The following NAAA variants were observed in gnomAD, a reference collection of about 807,000 sequenced individuals.
The protein encoded by NAAA is N-acylethanolamine acid amidase.
NAAA carries 39 observed loss-of-function variants against 44.8 expected under a neutral mutation model. The observed-to-expected ratio is 0.87, with a 90% CI of 0.67 to 1.14. The LOEUF (loss-of-function observed/expected upper bound fraction) is 1.14. Among genes scored for constraint, NAAA ranks in the 50% most tolerant of loss-of-function variants. The pLI is 0.00. For missense variants in NAAA, 460 were observed against 467.8 expected (o/e 0.98, Z 0.15); for synonymous variants, 178 against 191.3 (o/e 0.93, Z 0.58).
chr4:75,933,530 A>G (rs760687828), intron 3 of NAAA, among the ~76,000 whole-genome samples: 1 of 152,080 alleles, frequency 6.6e-6, no homozygotes, highest in African/African-American at 2.4e-5. Flanking sequence ...CGTCAGGGTC[A>G]CTCTTGGAGG....
At chr4:75,923,398 A>G (rs771970698) in intron 5 of NAAA, among the ~76,000 whole-genome samples, 13 of 152,186 alleles carry the variant, frequency 8.5e-5, no homozygotes, top group Non-Finnish European at 1.8e-4. Context: ...TTTTCTAACA[A>G]AGAGCAGCCT....
intron 3 of NAAA, 145 bp from the exon 4 acceptor site, chr4:75,931,449 G>C: frequency 1.8e-6 from 1 of 561,358 alleles, no homozygotes; most frequent in South Asian, 2.7e-5. Context: ...TTCTAAGACA[G>C]AGGTTCTTAA....
intron 4 of NAAA, 79 bp downstream of exon 4, chr4:75,931,135 G>T: frequency 1.7e-6 from 2 of 1,152,256 alleles, no homozygotes; most frequent in Non-Finnish European, 2.6e-6. Flanking sequence ...TGTATATTCT[G>T]TTGGGTGAGT....
intron 2 of NAAA, among the ~76,000 whole-genome samples, chr4:75,937,413 C>A (rs767953512): frequency 1.3e-5 from 2 of 152,098 alleles, no homozygotes; most frequent in Admixed American, 6.6e-5. Context: ...AGTGAGACTC[C>A]GTCTCAAACA....
chr4:75,936,359 G>C (rs1027428331), intron 2 of NAAA, 124 bp from the exon 3 acceptor site: 1 of 1,012,820 alleles, frequency 9.9e-7, no homozygotes, highest in Non-Finnish European at 1.4e-6. Flanking sequence ...ACTGATATAT[G>C]TGCTATAATG....
chr4:75,937,486 G>GTTAT lies in NAAA; in HGVS notation c.372-1255_372-1252dup, dbSNP rs140810688. ...AGTTTTAATTCCCTCCAAGGTTTCTGTTATTTATTTATTTATTTATTTATT... is the reference window on the plus strand; with the variant it reads ...AGTTTTAATTCCCTCCAAGGTTTCTGTTATTTATTTATTTATTTATTTATTTATT... On this transcript the variant is annotated intron_variant, in intron 2 of 10. Coordinates refer to ENST00000286733, the MANE Select transcript of NAAA (RefSeq NM_014435.4). 2.6e-4 allele frequency among the ~76,000 whole-genome samples: 39 copies of GTTAT among 150,992 alleles called. No homozygotes were observed. The South Asian group carries it at 4.2e-3, about 16-fold the overall frequency.
At chr4:75,923,627 C>T (rs903791917) in intron 5 of NAAA, among the ~76,000 whole-genome samples, 13 of 149,998 alleles carry the variant, frequency 8.7e-5, no homozygotes, top group Admixed American at 2.0e-4. Flanking sequence ...GCAACCTCTG[C>T]CTTCTGAATT....
At chr4:75,918,707 G>A in intron 9 of NAAA, 54 bp downstream of exon 9, 1 of 1,579,136 alleles carries the variant, frequency 6.3e-7, no homozygotes, top group Non-Finnish European at 8.7e-7. Context: ...GTACGTGAGT[G>A]AGTTCACTGT....
chr4:75,917,871 C>A, intron 9 of NAAA: 2 of 329,424 alleles, frequency 6.1e-6, no homozygotes, highest in South Asian at 5.0e-5. Flanking sequence ...ATGCTGCTAT[C>A]AAGGGTACAG....
chr4:75,920,775 C>T lies in NAAA; in HGVS notation c.865G>A (p.Asp289Asn), dbSNP rs375422614. 1.4e-4 allele frequency: 218 copies of T among 1,614,002 alleles called. No homozygotes were observed. Among genetic ancestry groups the T allele is most frequent in the Non-Finnish European group, 1.8e-4 (212 of 1,180,042 alleles). ...TCCTTGGGTGCTGGCTTCCAGTGGT[C>T]GTAATTTGTCTCAACTCGGAACCAC... is the stretch of plus-strand genomic sequence containing the variant. ...GAWFRVETNYDHWKPAPKEDD... is the reference protein window; with the variant it reads ...GAWFRVETNYNHWKPAPKEDD... The change falls in exon 7 of 11, where the codon GAC becomes AAC. Residue 289 changes from aspartate (D) to asparagine (N), a missense_variant. Transcript: ENST00000286733.
chr4:75,913,392 A>G (rs2047987), downstream of NAAA, among the ~76,000 whole-genome samples: 115,280 of 151,796 alleles, frequency 0.76, 44,810 homozygotes, highest in African/African-American at 0.93. Context: ...TCCCGGGCAC[A>G]TCCTTAGCCT....
intron 4 of NAAA, 35 bp from the exon 5 acceptor site, chr4:75,925,846 T>A: frequency 1.3e-6 from 2 of 1,562,436 alleles, no homozygotes; most frequent in Non-Finnish European, 1.8e-6. Flanking sequence ...TATATGTGTG[T>A]GTATATATGT....
At chr4:75,926,450 A>G (rs1231656838) in intron 4 of NAAA, among the ~76,000 whole-genome samples, 1 of 150,682 alleles carries the variant, frequency 6.6e-6, no homozygotes, top group African/African-American at 2.4e-5. Context: ...AATCCCAGCT[A>G]CTTGGGAGGC....
intron 3 of NAAA, among the ~76,000 whole-genome samples, chr4:75,933,261 G>A (rs1727405430): frequency 6.6e-6 from 1 of 151,920 alleles, no homozygotes; most frequent in Non-Finnish European, 1.5e-5. Flanking sequence ...AATTAGGTCA[G>A]TAATGTTTTT....
rs1168839198 is a variant in NAAA at position 75,914,987 on chromosome 4, T to C, written c.999-2A>G. On this transcript the variant is annotated splice_acceptor_variant, in intron 9 of 10. Coordinates refer to ENST00000286733, the MANE Select transcript of NAAA (RefSeq NM_014435.4). LOFTEE classifies it high-confidence loss of function. The stretch of plus-strand genomic sequence containing the variant: ...ATTACCGTAGTATAAATTGTGAAGC[T>C]GAAAATTATGAGGAAATTTTATGTA... The C allele has an allele frequency of 6.3e-7, 1 of 1,594,942 alleles. No individual in the cohort carries two copies. Among genetic ancestry groups the C allele is most frequent in the East Asian group, 2.2e-5 (1 of 44,782 alleles).
At chr4:75,922,949 T>G (rs1280377612) in intron 5 of NAAA, among the ~76,000 whole-genome samples, 1 of 151,272 alleles carries the variant, frequency 6.6e-6, no homozygotes. Context: ...GGCGACAAAG[T>G]CAGGGAGTGC....
At chr4:75,926,728 G>A (rs563938583) in intron 4 of NAAA, among the ~76,000 whole-genome samples, 1 of 152,314 alleles carries the variant, frequency 6.6e-6, no homozygotes, top group African/African-American at 2.4e-5. Context: ...CAAAGGGCCA[G>A]ATGTGCTGGC....
rs1434034038 is a variant in NAAA, at chr4:75,936,089, T to G, written c.498+20A>C. On this transcript the variant is annotated intron_variant, in intron 3 of 10. Transcript: ENST00000286733. ...TTGCAAATCTTTCTGATTTTTTATC[T>G]TATATGGTACGGATTATACCTGCCC... is the stretch of plus-strand genomic sequence containing the variant. The G allele has an allele frequency of 1.9e-6, 3 of 1,612,832 alleles. No homozygotes were observed. In the East Asian group the frequency reaches 6.7e-5, roughly 36 times the overall value.
chr4:75,918,743 G>A lies in NAAA; in HGVS notation c.998+18C>T. 1 of 1,612,150 alleles carries A rather than the reference G, an allele frequency of 6.2e-7. No individual in the cohort carries two copies. Among genetic ancestry groups the A allele is most frequent in the Non-Finnish European group, 8.5e-7 (1 of 1,178,340 alleles). ...TCTGGAGTGATGTGTGAACAGACATGTTTAACAAGCCACTTACTTGTTATA... is the reference window on the plus strand; with the variant it reads ...TCTGGAGTGATGTGTGAACAGACATATTTAACAAGCCACTTACTTGTTATA... On this transcript the variant is annotated intron_variant, in intron 9 of 10. Coordinates refer to ENST00000286733, the MANE Select transcript of NAAA (RefSeq NM_014435.4).
Sources: allele counts gnomAD v4.1 joint callset (sites outside exome capture counted in the v4.1 genomes callset), GRCh38; gene constraint gnomAD v4.1.1; transcripts MANE v1.5; gene names NCBI Gene and HGNC (gene_info 2026-07-23, HGNC 2026-07-21).